The following PPP2R2C variants were observed in gnomAD, a reference collection of about 807,000 sequenced individuals.
The protein encoded by PPP2R2C is protein phosphatase 2, regulatory subunit B, gamma.
PPP2R2C carries 10 observed loss-of-function variants against 45.3 expected under a neutral mutation model. The observed-to-expected ratio is 0.22, with a 90% CI of 0.14 to 0.37. The LOEUF (loss-of-function observed/expected upper bound fraction) is 0.37, where lower values mean the gene tolerates loss of function less well. PPP2R2C is among the 10% of genes least tolerant of loss of function. The pLI is 1.00. For missense variants in PPP2R2C, 308 were observed against 619.7 expected, an observed-to-expected ratio of 0.50 and a Z score of 5.34; for synonymous variants, 257 against 245.4, an observed-to-expected ratio of 1.05 and a Z score of -0.44.
intron 1 of PPP2R2C, among the ~76,000 whole-genome samples, chr4:6,457,664 A>G (rs576671560): frequency 6.6e-6 from 1 of 152,166 alleles, no homozygotes; most frequent in Non-Finnish European, 1.5e-5. Flanking sequence ...GTGAGCCACA[A>G]TGCCCAACCG....
intron 1 of PPP2R2C, among the ~76,000 whole-genome samples, chr4:6,468,016 A>G (rs958570088): frequency 6.6e-6 from 1 of 152,186 alleles, no homozygotes; most frequent in Non-Finnish European, 1.5e-5. Context: ...GGGGAATGAG[A>G]TCATCCTTGC....
At chr4:6,384,976 C>CA in intron 1 of PPP2R2C, 1 of 520,060 alleles carries the variant, frequency 1.9e-6, no homozygotes, top group Non-Finnish European at 2.5e-6. Context: ...TGGAGCCTTC[C>CA]CAGGATTAGA....
chr4:6,461,174 G>A (rs1721301220), intron 1 of PPP2R2C, among the ~76,000 whole-genome samples: 1 of 152,204 alleles, frequency 6.6e-6, no homozygotes, highest in Non-Finnish European at 1.5e-5. Flanking sequence ...GCCACCGCAT[G>A]ACTCTGGACT....
intron 1 of PPP2R2C, among the ~76,000 whole-genome samples, chr4:6,428,781 T>G (rs140934990): frequency 6.6e-6 from 1 of 152,326 alleles, no homozygotes; most frequent in Non-Finnish European, 1.5e-5. Flanking sequence ...AACTGGGCAG[T>G]ATTTGGCTGC....
intron 1 of PPP2R2C, among the ~76,000 whole-genome samples, chr4:6,546,620 G>A (rs1724995531): frequency 6.6e-6 from 1 of 152,162 alleles, no homozygotes; most frequent in Non-Finnish European, 1.5e-5. Context: ...CAACCTCAGG[G>A]ATGCAAAGGT....
At chr4:6,446,131 G>A (rs1438846392) in intron 1 of PPP2R2C, among the ~76,000 whole-genome samples, 3 of 152,014 alleles carry the variant, frequency 2.0e-5, no homozygotes, top group Non-Finnish European at 2.9e-5. Flanking sequence ...TATCCTTATG[G>A]TCACGCTGGA....
chr4:6,502,954 A>G (rs1244963180), intron 2 of PPP2R2C, among the ~76,000 whole-genome samples: 1 of 152,008 alleles, frequency 6.6e-6, no homozygotes, highest in Admixed American at 6.5e-5. Context: ...CCCCTCTGCT[A>G]TACTGCTGTC....
chr4:6,327,665 G>C (rs923752587), intron 8 of PPP2R2C, among the ~76,000 whole-genome samples: 1 of 152,218 alleles, frequency 6.6e-6, no homozygotes, highest in South Asian at 2.1e-4. Flanking sequence ...GGGGGTGTCT[G>C]GGATCTATCT....
chr4:6,431,408 G>A (rs1013551657), intron 1 of PPP2R2C, among the ~76,000 whole-genome samples: 2 of 152,236 alleles, frequency 1.3e-5, no homozygotes, highest in African/African-American at 4.8e-5. Flanking sequence ...CAGGCCCCAG[G>A]TTTCCAGGAC....
chr4:6,516,846 T>G (rs113724276), intron 2 of PPP2R2C, among the ~76,000 whole-genome samples: 1 of 152,058 alleles, frequency 6.6e-6, no homozygotes, highest in Admixed American at 6.5e-5. Flanking sequence ...GAGATGTCAC[T>G]GGTTCATGAA....
chr4:6,371,901 C>T (rs891685746), intron 5 of PPP2R2C, among the ~76,000 whole-genome samples: 1 of 152,206 alleles, frequency 6.6e-6, no homozygotes, highest in African/African-American at 2.4e-5. Flanking sequence ...ACCAGCCCCC[C>T]GGCAGGCCAA....
intron 4 of PPP2R2C, among the ~76,000 whole-genome samples, chr4:6,373,059 G>C (rs906787066): frequency 2.0e-5 from 3 of 152,248 alleles, no homozygotes; most frequent in African/African-American, 7.2e-5. Flanking sequence ...GGAAACAGCT[G>C]TCTACATGTG....
chr4:6,391,328 G>A (rs568519108), intron 1 of PPP2R2C, among the ~76,000 whole-genome samples: 1 of 149,712 alleles, frequency 6.7e-6, no homozygotes, highest in African/African-American at 2.5e-5. Flanking sequence ...ACCGTGTAGA[G>A]GACACAAGCA....
intron 5 of PPP2R2C, 39 bp downstream of exon 5, chr4:6,372,484 G>A (rs1203708749): frequency 1.3e-6 from 2 of 1,559,968 alleles, no homozygotes; most frequent in African/African-American, 2.8e-5. Flanking sequence ...AAGCTACTCT[G>A]CCCGTGGGAG....
At chr4:6,414,876 C>T (rs1323535026) in intron 1 of PPP2R2C, among the ~76,000 whole-genome samples, 2 of 152,210 alleles carry the variant, frequency 1.3e-5, no homozygotes, top group Non-Finnish European at 2.9e-5. Context: ...CATCCCTAGC[C>T]GCCTGTGGAT....
At chr4:6,375,991 G>T in intron 3 of PPP2R2C, 60 bp from the exon 4 acceptor site, 1 of 1,389,082 alleles carries the variant, frequency 7.2e-7, no homozygotes, top group Non-Finnish European at 1.0e-6. Context: ...TGGAAGAGAA[G>T]ATCCACTTTA....
rs1712969553 is a variant in PPP2R2C, at chr4:6,354,608, C to A, written c.626-6598G>T. On this transcript the variant is annotated intron_variant, in intron 5 of 8. Transcript: ENST00000382599. ...ACGACTCTGAACCTTTCCCTGGGAACAGCCCTTCCAATTTAGAAACTCTGT... is the reference window on the plus strand; with the variant it reads ...ACGACTCTGAACCTTTCCCTGGGAAAAGCCCTTCCAATTTAGAAACTCTGT... Among the ~76,000 whole-genome samples the A allele has an allele frequency of 3.3e-5, 5 of 152,140 alleles. No individual in the cohort carries two copies. In the South Asian group the frequency reaches 1.0e-3, roughly 32 times the overall value.
intron 2 of PPP2R2C, among the ~76,000 whole-genome samples, chr4:6,477,762 G>GGACCTC (rs1465130186): frequency 6.8e-6 from 1 of 146,870 alleles, no homozygotes; most frequent in Admixed American, 6.8e-5. Flanking sequence ...AACTGGAACT[G>GGACCTC]GACCTCCTCT....
intron 1 of PPP2R2C, among the ~76,000 whole-genome samples, chr4:6,408,877 T>TC (rs1483648237): frequency 6.6e-6 from 1 of 150,410 alleles, no homozygotes. Context: ...CTGTGGCTTT[T>TC]TTTTTTTTTT....
Sources: gnomAD v4.1 joint callset for allele counts (sites outside exome capture counted in the v4.1 genomes callset) on GRCh38, gnomAD v4.1.1 for gene constraint, MANE v1.5 for transcripts, NCBI Gene and HGNC (gene_info 2026-07-23, HGNC 2026-07-21) for gene names.